The following PPARGC1A variants were observed in gnomAD, a reference collection of about 807,000 sequenced individuals.
The protein encoded by PPARGC1A is PPARG coactivator 1 alpha, also known as peroxisome proliferator-activated receptor gamma coactivator 1-alpha.
PPARGC1A carries 25 observed loss-of-function variants against 88.7 expected under a neutral mutation model. The ratio of observed to expected loss-of-function variants is 0.28; its 90% CI spans 0.21 to 0.39. The LOEUF is 0.39. Among genes scored for constraint, PPARGC1A ranks in the 10% least tolerant of loss-of-function variants. The pLI is 1.00. For synonymous variants in PPARGC1A, 363 were observed against 355.6 expected (o/e 1.02, Z -0.24); for missense variants, 880 against 968.7 (o/e 0.91, Z 1.22).
At chr4:24,331,178 A>G in the PPARGC1A span, among the ~76,000 whole-genome samples, 1 of 152,186 alleles carries the variant, frequency 6.6e-6, no homozygotes, top group Non-Finnish European at 1.5e-5. Flanking sequence ...CACTTTGCCC[A>G]GCACAATGCT....
the PPARGC1A span, among the ~76,000 whole-genome samples, chr4:24,431,111 CA>C: frequency 2.9e-5 from 3 of 103,070 alleles, no homozygotes; most frequent in Admixed American, 1.5e-4. Flanking sequence ...GGAGACAGAG[CA>C]AGACTCCATC....
At chr4:23,797,871 A>G (rs1019514241) in intron 12 of PPARGC1A, among the ~76,000 whole-genome samples, 10 of 152,216 alleles carry the variant, frequency 6.6e-5, no homozygotes, top group African/African-American at 2.2e-4. Flanking sequence ...AGCCCAAGCT[A>G]AGCCATCATA....
chr4:23,884,522 T>C (rs1452860949), intron 2 of PPARGC1A: 5 of 442,618 alleles, frequency 1.1e-5, no homozygotes, highest in African/African-American at 1.0e-4. Flanking sequence ...CTCACAGTTG[T>C]TGATTCCTAG....
At chr4:23,998,485 G>A in the PPARGC1A span, among the ~76,000 whole-genome samples, 1 of 151,930 alleles carries the variant, frequency 6.6e-6, no homozygotes, top group Non-Finnish European at 1.5e-5. Flanking sequence ...ACAATGTCAG[G>A]ATAAAGTATC....
At chr4:24,471,404 C>T in the PPARGC1A span, among the ~76,000 whole-genome samples, 1 of 152,306 alleles carries the variant, frequency 6.6e-6, no homozygotes. The surrounding 1 kb of genome is among the most constrained non-coding windows in gnomAD (Gnocchi z 5.4). Context: ...GACCCCAGCT[C>T]TACTTCCCCG....
At chr4:24,394,711 C>T in the PPARGC1A span, among the ~76,000 whole-genome samples, 1 of 152,172 alleles carries the variant, frequency 6.6e-6, no homozygotes, top group African/African-American at 2.4e-5. Flanking sequence ...TGCATTTTAT[C>T]AAATCTAAGA....
chr4:23,964,251 G>C, the PPARGC1A span, among the ~76,000 whole-genome samples: 123 of 152,272 alleles, frequency 8.1e-4, no homozygotes, highest in Non-Finnish European at 1.6e-3. Flanking sequence ...GAGAGAATTA[G>C]TAACATAAGT....
At chr4:24,176,438 A>G in the PPARGC1A span, among the ~76,000 whole-genome samples, 1 of 152,162 alleles carries the variant, frequency 6.6e-6, no homozygotes, top group African/African-American at 2.4e-5. Flanking sequence ...GGCGTGACAC[A>G]AGAATCATCC....
At chr4:24,110,575 CA>C in the PPARGC1A span, among the ~76,000 whole-genome samples, 1 of 152,096 alleles carries the variant, frequency 6.6e-6, no homozygotes, top group African/African-American at 2.4e-5. Flanking sequence ...TCTGGGGACA[CA>C]GCAAGAAACA....
At chr4:24,387,811 A>AGAAG in the PPARGC1A span, among the ~76,000 whole-genome samples, 87 of 110,564 alleles carry the variant, frequency 7.9e-4, 2 homozygotes, top group Non-Finnish European at 1.4e-3. Flanking sequence ...AAAGAAAGAA[A>AGAAG]GAAAGAAAGA....
At chr4:24,342,035 T>C in the PPARGC1A span, among the ~76,000 whole-genome samples, 108 of 152,196 alleles carry the variant, frequency 7.1e-4, no homozygotes, top group Non-Finnish European at 1.5e-3. Flanking sequence ...AAAACATCCA[T>C]GCCCAACTTG....
chr4:24,415,958 T>C, the PPARGC1A span, among the ~76,000 whole-genome samples: 2 of 152,216 alleles, frequency 1.3e-5, no homozygotes, highest in Non-Finnish European at 2.9e-5. Context: ...ATAAAACATG[T>C]ACATGAATAG....
the PPARGC1A span, among the ~76,000 whole-genome samples, chr4:24,459,607 T>C: frequency 3.3e-5 from 5 of 152,104 alleles, no homozygotes; most frequent in African/African-American, 4.8e-5. Flanking sequence ...CTGGGAAGCA[T>C]GGTGAAACCC....
the PPARGC1A span, among the ~76,000 whole-genome samples, chr4:24,186,306 C>T: frequency 6.6e-6 from 1 of 152,148 alleles, no homozygotes; most frequent in African/African-American, 2.4e-5. Context: ...AAGTTAGAGT[C>T]AAGCAACGTC....
the PPARGC1A span, among the ~76,000 whole-genome samples, chr4:24,296,090 A>C: frequency 6.6e-6 from 1 of 151,084 alleles, no homozygotes; most frequent in Non-Finnish European, 1.5e-5. Flanking sequence ...ACATATATAC[A>C]CACATACATA....
At chr4:24,105,450 T>G in the PPARGC1A span, among the ~76,000 whole-genome samples, 1 of 152,042 alleles carries the variant, frequency 6.6e-6, no homozygotes. Context: ...AGTGAGGGAA[T>G]GGAAATAGCA....
chr4:24,397,001 G>A, the PPARGC1A span, among the ~76,000 whole-genome samples: 2 of 152,022 alleles, frequency 1.3e-5, no homozygotes, highest in Non-Finnish European at 2.9e-5. Context: ...ATGATAAAGT[G>A]TCAATAACTT....
chr4:24,164,670 A>C, the PPARGC1A span, among the ~76,000 whole-genome samples: 1 of 152,170 alleles, frequency 6.6e-6, no homozygotes, highest in Non-Finnish European at 1.5e-5. Context: ...AGCCTTAGAG[A>C]ATCTGTTTTA....
chr4:23,804,915 A>G (rs1719492581), intron 10 of PPARGC1A, among the ~76,000 whole-genome samples: 1 of 152,158 alleles, frequency 6.6e-6, no homozygotes, highest in South Asian at 2.1e-4. Context: ...AGTTGCTCTT[A>G]TGGAAAACTC....
Sources: allele counts gnomAD v4.1 joint callset (sites outside exome capture counted in the v4.1 genomes callset), GRCh38; gene constraint gnomAD v4.1.1; non-coding constraint Gnocchi (gnomAD v3.1); transcripts MANE v1.5; gene names NCBI Gene and HGNC (gene_info 2026-07-23, HGNC 2026-07-21).